The following PTPN3 variants were observed in gnomAD, a reference collection of about 807,000 sequenced individuals.
The protein encoded by PTPN3 is protein tyrosine phosphatase non-receptor type 3.
Under a neutral mutation model 132.7 loss-of-function variants are expected in PTPN3, and 96 were observed. The observed-to-expected ratio is 0.72, with a 90% CI of 0.61 to 0.86. PTPN3 has a LOEUF of 0.86. Among genes scored for constraint, PTPN3 ranks in the 40% least tolerant of loss-of-function variants. The pLI is 0.00. For missense variants in PTPN3, 1,125 were observed against 1,159.6 expected, an observed-to-expected ratio of 0.97 and a Z score of 0.43; for synonymous variants, 398 against 429.0, an observed-to-expected ratio of 0.93 and a Z score of 0.89.
intron 14 of PTPN3, among the ~76,000 whole-genome samples, chr9:109,418,111 T>G (rs1842651303): frequency 6.6e-6 from 1 of 152,150 alleles, no homozygotes; most frequent in Non-Finnish European, 1.5e-5. Context: ...GAAAATCTGA[T>G]GTAGGGCACG....
At chr9:109,504,572 A>G in the PTPN3 span, among the ~76,000 whole-genome samples, 2 of 152,216 alleles carry the variant, frequency 1.3e-5, no homozygotes, top group Non-Finnish European at 2.9e-5. Flanking sequence ...GACATTAAAC[A>G]ATAAACTCAG....
At chr9:109,482,878 T>C (rs993928482) in intron 1 of PTPN3, among the ~76,000 whole-genome samples, 2 of 152,208 alleles carry the variant, frequency 1.3e-5, no homozygotes, top group Admixed American at 1.3e-4. Context: ...GAAACTGACA[T>C]TAACCCACAG....
chr9:109,391,317 T>G (rs1006059661), intron 20 of PTPN3, 118 bp from the exon 21 acceptor site: 1 of 1,263,854 alleles, frequency 7.9e-7, no homozygotes, highest in African/African-American at 1.5e-5. Context: ...TAAACACTAT[T>G]CCCCAACTGT....
intron 4 of PTPN3, among the ~76,000 whole-genome samples, chr9:109,456,033 AGG>A (rs1484871888): frequency 5.4e-4 from 83 of 152,360 alleles, no homozygotes; most frequent in African/African-American, 1.9e-3. Flanking sequence ...CTGAACGCAG[AGG>A]ATGCAGCTCA....
At chr9:109,521,598 C>G in the PTPN3 span, among the ~76,000 whole-genome samples, 1 of 152,178 alleles carries the variant, frequency 6.6e-6, no homozygotes, top group Non-Finnish European at 1.5e-5. Context: ...CTTTGGGAAG[C>G]CTTCTCTGAT....
chr9:109,490,855 G>GTT (rs59097484), intron 1 of PTPN3, among the ~76,000 whole-genome samples: 124,726 of 147,098 alleles, frequency 0.85, 52,802 homozygotes, highest in South Asian at 0.94. Flanking sequence ...ATTTATAAGA[G>GTT]TTTTTTTTTT....
intron 19 of PTPN3, among the ~76,000 whole-genome samples, chr9:109,400,084 T>C (rs761354345): frequency 4.6e-5 from 7 of 152,036 alleles, no homozygotes; most frequent in Non-Finnish European, 7.4e-5. Context: ...TGTGCCACCA[T>C]GGCTGGCTAA....
chr9:109,436,712 T>A (rs961748628), intron 9 of PTPN3, among the ~76,000 whole-genome samples, 171 bp downstream of exon 9: 1 of 152,058 alleles, frequency 6.6e-6, no homozygotes, highest in Admixed American at 6.6e-5. Flanking sequence ...AAAAAAGCAA[T>A]TGGACAAATG....
chr9:109,497,134 T>C (rs1385310767), intron 1 of PTPN3, among the ~76,000 whole-genome samples: 1 of 152,164 alleles, frequency 6.6e-6, no homozygotes, highest in Non-Finnish European at 1.5e-5. Flanking sequence ...TCCGAAGGCC[T>C]TGACTTCGGC....
rs773540014 is a variant in PTPN3, at chr9:109,391,434, T to C, written c.2044+37A>G. Reference sequence around the variant, plus strand: ...TTTAAAAAGGGAAACATTATCTCAGTGTAGGGGGGAAGGAGGCATTCATGC... The same window carrying C: ...TTTAAAAAGGGAAACATTATCTCAGCGTAGGGGGGAAGGAGGCATTCATGC... On this transcript the variant is annotated intron_variant, in intron 20 of 25. Coordinates refer to ENST00000374541, the MANE Select transcript of PTPN3 (RefSeq NM_002829.4). The C allele has an allele frequency of 1.4e-5, 22 of 1,553,194 alleles. No individual in the cohort carries two copies. In the South Asian group the frequency reaches 2.1e-4, roughly 15 times the overall value.
At chr9:109,412,206 C>A (rs984991564) in intron 14 of PTPN3, among the ~76,000 whole-genome samples, 2 of 151,918 alleles carry the variant, frequency 1.3e-5, no homozygotes, top group Non-Finnish European at 1.5e-5. Context: ...TGCACCCCCC[C>A]AATCCATTTT....
chr9:109,473,602 T>C lies in PTPN3; in HGVS notation c.-17-10151A>G, dbSNP rs143229740. Among the ~76,000 whole-genome samples, 564 of 152,318 alleles carry C rather than the reference T, an allele frequency of 3.7e-3. 2 individuals are homozygous for C. Among genetic ancestry groups the C allele is most frequent in the African/African-American group, 0.012 (479 of 41,576 alleles). ...GTTGCTATAAAGAGAAACCAATCTC[T>C]TAAGTGCCATGAGCTGGGTTTTCAG... On this transcript the variant is annotated intron_variant, in intron 1 of 25. Transcript: ENST00000374541.
intron 1 of PTPN3, among the ~76,000 whole-genome samples, chr9:109,471,021 T>C (rs1461811540): frequency 6.6e-6 from 1 of 151,976 alleles, no homozygotes; most frequent in Non-Finnish European, 1.5e-5. Context: ...GTAACCCTTT[T>C]GCCCTGGATT....
At chr9:109,399,099 T>C (rs1840839075) in intron 19 of PTPN3, among the ~76,000 whole-genome samples, 1 of 152,220 alleles carries the variant, frequency 6.6e-6, no homozygotes, top group Non-Finnish European at 1.5e-5. Context: ...TGGCTAATGT[T>C]GGAGGATAGA....
At chr9:109,435,446 A>G (rs1481871755) in intron 9 of PTPN3, among the ~76,000 whole-genome samples, 1 of 152,208 alleles carries the variant, frequency 6.6e-6, no homozygotes, top group Non-Finnish European at 1.5e-5. Context: ...TGGCCATGAC[A>G]TGGAAGCAGC....
intron 22 of PTPN3, among the ~76,000 whole-genome samples, chr9:109,384,269 A>G (rs1404231224): frequency 6.6e-6 from 1 of 152,206 alleles, no homozygotes; most frequent in Non-Finnish European, 1.5e-5. Flanking sequence ...ACAAAAACCC[A>G]GATTAAGGGA....
At chr9:109,474,033 T>C (rs575792440) in intron 1 of PTPN3, among the ~76,000 whole-genome samples, 6 of 152,148 alleles carry the variant, frequency 3.9e-5, no homozygotes, top group African/African-American at 9.7e-5. Context: ...TGTGGATGTC[T>C]TGGGTGGGTT....
At chr9:109,443,152 T>C (rs1301630005) in intron 7 of PTPN3, among the ~76,000 whole-genome samples, 14 of 151,162 alleles carry the variant, frequency 9.3e-5, no homozygotes, top group African/African-American at 3.4e-4. Context: ...TATGGCTCAC[T>C]GCAGCCTCAA....
chr9:109,481,239 G>A (rs1197696591), intron 1 of PTPN3, among the ~76,000 whole-genome samples: 12 of 152,142 alleles, frequency 7.9e-5, no homozygotes, highest in Non-Finnish European at 1.3e-4. Context: ...GCAGGGCATG[G>A]CAGGGACTTC....
Sources: allele counts gnomAD v4.1 joint callset (sites outside exome capture counted in the v4.1 genomes callset), GRCh38; gene constraint gnomAD v4.1.1; transcripts MANE v1.5; gene names NCBI Gene and HGNC (gene_info 2026-07-23, HGNC 2026-07-21).